The following CWC27 variants were observed in gnomAD, a reference collection of about 807,000 sequenced individuals.
CWC27 encodes CWC27 spliceosome associated cyclophilin, also known as spliceosome-associated protein CWC27 homolog.
A neutral mutation model predicts 63.6 loss-of-function variants in CWC27; 47 were observed. That is an observed-to-expected ratio of 0.74 (90% CI 0.58 to 0.94). The LOEUF (loss-of-function observed/expected upper bound fraction) is 0.94, where lower values mean the gene tolerates loss of function less well. Ranked by LOEUF, CWC27 falls within the 40% of genes least tolerant of loss-of-function variation. The pLI, the probability that CWC27 is intolerant of heterozygous loss-of-function variation, is 0.00. For synonymous variants in CWC27, 175 were observed against 179.8 expected (o/e 0.97, Z 0.22); for missense variants, 495 against 554.3 (o/e 0.89, Z 1.07).
At chr5:65,004,893 T>C (rs1247825386) in intron 13 of CWC27, among the ~76,000 whole-genome samples, 5 of 56,702 alleles carry the variant, frequency 8.8e-5, no homozygotes, top group African/African-American at 3.3e-4. Context: ...TATATATATA[T>C]ATATATATAT....
intron 10 of CWC27, among the ~76,000 whole-genome samples, chr5:64,847,852 T>C (rs1746031277): frequency 6.6e-6 from 1 of 151,720 alleles, no homozygotes; most frequent in African/African-American, 2.4e-5. Flanking sequence ...TACAACATAC[T>C]AAGACTTACG....
At chr5:64,856,200 ATCAATATCAATACTTATGGACAATTGT>A (rs1225612298) in intron 10 of CWC27, among the ~76,000 whole-genome samples, 1 of 152,136 alleles carries the variant, frequency 6.6e-6, no homozygotes, top group Admixed American at 6.5e-5. Context: ...AGCACCTAAT[ATCAATATCAATACTTATGGACAATTGT>A]TTTTTAAAAT....
At chr5:64,900,109 T>C (rs865795670) in intron 11 of CWC27, among the ~76,000 whole-genome samples, 1 of 152,254 alleles carries the variant, frequency 6.6e-6, no homozygotes, top group Non-Finnish European at 1.5e-5. Flanking sequence ...CTAAGTCATG[T>C]GATAGGTGTA....
intron 11 of CWC27, among the ~76,000 whole-genome samples, chr5:64,934,170 G>C (rs1359144829): frequency 6.6e-6 from 1 of 152,114 alleles, no homozygotes; most frequent in Non-Finnish European, 1.5e-5. Flanking sequence ...TGTTACATAG[G>C]TATACATGTG....
intron 11 of CWC27, among the ~76,000 whole-genome samples, chr5:64,890,474 C>T (rs1747203867): frequency 6.6e-6 from 1 of 152,038 alleles, no homozygotes; most frequent in South Asian, 2.1e-4. Context: ...TACTTAATAC[C>T]ATGTAAAATT....
chr5:65,017,755 G>A (rs964411620), intron 13 of CWC27, among the ~76,000 whole-genome samples: 1 of 152,174 alleles, frequency 6.6e-6, no homozygotes. Flanking sequence ...AAATCAGATA[G>A]GGCTGGCTTA....
intron 11 of CWC27, among the ~76,000 whole-genome samples, chr5:64,900,817 T>G (rs1033324314): frequency 7.9e-5 from 12 of 152,248 alleles, no homozygotes; most frequent in Non-Finnish European, 1.5e-4. Context: ...ACCATGTGAG[T>G]GTTCTTACAC....
Position 64,993,822 on chromosome 5 carries a change from G to A in CWC27, c.1256+16584G>A, listed in dbSNP as rs186832060. On this transcript the variant is annotated intron_variant, in intron 13 of 13. Coordinates refer to ENST00000381070, the MANE Select transcript of CWC27 (RefSeq NM_005869.4). ...CAATTCACCATAGTTGTTACATATGGCAACGAAGCCAGTGCAAAGACAGTT... is the reference window on the plus strand; with the variant it reads ...CAATTCACCATAGTTGTTACATATGACAACGAAGCCAGTGCAAAGACAGTT... 7.2e-5 allele frequency among the ~76,000 whole-genome samples: 11 copies of A among 152,222 alleles called. No individual in the cohort carries two copies. In the East Asian group the frequency reaches 1.9e-3, roughly 27 times the overall value.
At chr5:64,980,985 A>G (rs1749322959) in intron 13 of CWC27, among the ~76,000 whole-genome samples, 1 of 152,098 alleles carries the variant, frequency 6.6e-6, no homozygotes, top group Admixed American at 6.5e-5. Flanking sequence ...CCAGCTACTC[A>G]GGAGGCTGAG....
intron 9 of CWC27, among the ~76,000 whole-genome samples, 188 bp from the exon 10 acceptor site, chr5:64,804,041 G>A (rs1485244787): frequency 6.6e-6 from 1 of 151,910 alleles, no homozygotes; most frequent in Non-Finnish European, 1.5e-5. Flanking sequence ...TTGGCTTAGA[G>A]CAGAACCCAG....
chr5:64,866,570 T>G (rs1746536129), intron 10 of CWC27, among the ~76,000 whole-genome samples: 1 of 152,082 alleles, frequency 6.6e-6, no homozygotes, highest in Non-Finnish European at 1.5e-5. Context: ...TAAGTATGTT[T>G]TAGCTGCATC....
At chr5:64,940,165 GA>G (rs933893605) in intron 11 of CWC27, among the ~76,000 whole-genome samples, 2 of 151,870 alleles carry the variant, frequency 1.3e-5, no homozygotes, top group Non-Finnish European at 2.9e-5. Context: ...ACTGGGGTAT[GA>G]AAAAAAACCT....
intron 10 of CWC27, among the ~76,000 whole-genome samples, chr5:64,805,562 AT>A (rs539886955): frequency 1.4e-3 from 213 of 151,828 alleles, no homozygotes; most frequent in African/African-American, 4.9e-3. Flanking sequence ...AAAATTATGA[AT>A]TTTTTTAAAG....
intron 11 of CWC27, among the ~76,000 whole-genome samples, chr5:64,950,076 C>G (rs1367077514): frequency 6.6e-6 from 1 of 151,978 alleles, no homozygotes; most frequent in African/African-American, 2.4e-5. Context: ...ATATTGATTA[C>G]ATAGTGAAAT....
At chr5:64,896,726 A>G (rs1050195770) in intron 11 of CWC27, among the ~76,000 whole-genome samples, 7 of 151,960 alleles carry the variant, frequency 4.6e-5, no homozygotes, top group African/African-American at 7.2e-5. Context: ...AAAAATAAAC[A>G]TGGACTGGCA....
intron 11 of CWC27, among the ~76,000 whole-genome samples, chr5:64,931,121 A>G (rs1016400593): frequency 1.1e-4 from 17 of 152,128 alleles, no homozygotes; most frequent in African/African-American, 3.9e-4. Context: ...GTAGTAAAGT[A>G]TTGCATCACT....
chr5:64,781,908 A>ATT lies in CWC27; in HGVS notation c.140-5_140-4dup. 3.0e-6 allele frequency: 4 copies of ATT among 1,346,016 alleles called. No homozygotes were observed. Among genetic ancestry groups the ATT allele is most frequent in the Admixed American group, 1.9e-5 (1 of 53,406 alleles). The allele number at this position is 1,346,016 out of a possible 1,614,324, so 83.4% of individuals were successfully genotyped here. ...TTTTAGACATTGATAAATTATTTTTATTTTTTTTTCAGCTTATTATGACAA... is the reference window on the plus strand; with the variant it reads ...TTTTAGACATTGATAAATTATTTTTATTTTTTTTTTTCAGCTTATTATGACAA... On this transcript the variant is annotated splice_polypyrimidine_tract_variant and intron_variant, in intron 2 of 13. Coordinates refer to ENST00000381070, the MANE Select transcript of CWC27 (RefSeq NM_005869.4).
chr5:64,958,005 A>G (rs1748834711), intron 11 of CWC27, among the ~76,000 whole-genome samples: 1 of 152,138 alleles, frequency 6.6e-6, no homozygotes, highest in African/African-American at 2.4e-5. Context: ...CATAACTGCT[A>G]TTTGAATTAT....
At chr5:64,845,879 A>G (rs564977446) in intron 10 of CWC27, among the ~76,000 whole-genome samples, 1 of 152,244 alleles carries the variant, frequency 6.6e-6, no homozygotes, top group South Asian at 2.1e-4. Context: ...AGGTACAAGA[A>G]GCACAGAAAT....
Sources: allele counts gnomAD v4.1 joint callset (sites outside exome capture counted in the v4.1 genomes callset), GRCh38; gene constraint gnomAD v4.1.1; transcripts MANE v1.5; gene names NCBI Gene and HGNC (gene_info 2026-07-23, HGNC 2026-07-21).